The following GABBR2 variants were observed in gnomAD, a reference collection of about 807,000 sequenced individuals.
The protein encoded by GABBR2 is gamma-aminobutyric acid type B receptor subunit 2.
In GABBR2, 23 loss-of-function variants were observed where a neutral mutation model predicts 105.6. That is an observed-to-expected ratio of 0.22 (90% CI 0.16 to 0.31). The LOEUF is 0.31. GABBR2 is among the 10% of genes least tolerant of loss of function. The pLI, the probability that GABBR2 is intolerant of heterozygous loss-of-function variation, is 1.00. For synonymous variants in GABBR2, 478 were observed against 499.7 expected (o/e 0.96, Z 0.58); for missense variants, 734 against 1,245.5 (o/e 0.59, Z 6.18).
At chr9:98,536,220 A>G (rs533410243) in intron 3 of GABBR2, among the ~76,000 whole-genome samples, 1 of 152,322 alleles carries the variant, frequency 6.6e-6, no homozygotes, top group South Asian at 2.1e-4. Flanking sequence ...TGGGAGTGGC[A>G]GGATCAGGGT....
intron 3 of GABBR2, among the ~76,000 whole-genome samples, chr9:98,508,648 A>G (rs1588202449): frequency 6.6e-6 from 1 of 151,910 alleles, no homozygotes; most frequent in Non-Finnish European, 1.5e-5. Context: ...TCCTACGCCC[A>G]TGAAGTCTCG....
At chr9:98,531,394 G>A (rs1370791294) in intron 3 of GABBR2, among the ~76,000 whole-genome samples, 2 of 152,222 alleles carry the variant, frequency 1.3e-5, no homozygotes, top group African/African-American at 2.4e-5. Flanking sequence ...TGGAGTAGAG[G>A]GAGGAGGAGA....
At position 98,659,496 on chromosome 9, in the gene GABBR2, T is replaced by TAAA. The variant is rs758485097; in HGVS notation, c.321+48918_321+48920dup. 2.1e-5 allele frequency among the ~76,000 whole-genome samples: 3 copies of TAAA among 141,108 alleles called. No homozygotes were observed. The Admixed American group carries it at 2.1e-4, about 10-fold the overall frequency. 92.6% of individuals were successfully genotyped at this position (141,108 alleles called of 152,430 possible). ...ATATTATTTCTTCTTCTTTTTTTTT[T>TAAA]AAACAACCTTTTTTCTTTTCTTTTC... On this transcript the variant is annotated intron_variant, in intron 1 of 18. Transcript: ENST00000259455.
At chr9:98,342,250 G>T (rs982660510) in intron 13 of GABBR2, among the ~76,000 whole-genome samples, 2 of 151,870 alleles carry the variant, frequency 1.3e-5, no homozygotes, top group East Asian at 1.9e-4. Flanking sequence ...TGGCATATTG[G>T]GGGTGGAAAG....
intron 3 of GABBR2, among the ~76,000 whole-genome samples, chr9:98,540,491 CA>C (rs1033829713): frequency 1.3e-5 from 2 of 152,182 alleles, no homozygotes; most frequent in Admixed American, 1.3e-4. Context: ...ATGGAAGAGA[CA>C]GGGGGCAAGA....
intron 3 of GABBR2, among the ~76,000 whole-genome samples, chr9:98,536,030 G>A (rs1828173023): frequency 1.3e-5 from 2 of 152,098 alleles, no homozygotes; most frequent in African/African-American, 2.4e-5. Flanking sequence ...TAACAAATGG[G>A]CCACTCTGAC....
At chr9:98,324,933 C>T (rs570641863) in intron 13 of GABBR2, among the ~76,000 whole-genome samples, 1 of 152,142 alleles carries the variant, frequency 6.6e-6, no homozygotes, top group Non-Finnish European at 1.5e-5. Flanking sequence ...ACTTTGTACA[C>T]ACACATATAC....
At chr9:98,303,718 C>A (rs1830506629) in intron 15 of GABBR2, among the ~76,000 whole-genome samples, 1 of 152,266 alleles carries the variant, frequency 6.6e-6, no homozygotes. Flanking sequence ...CGAGGCCTCA[C>A]TCCAGCTGCC....
At chr9:98,358,580 A>C (rs1427312237) in intron 13 of GABBR2, among the ~76,000 whole-genome samples, 1 of 152,168 alleles carries the variant, frequency 6.6e-6, no homozygotes, top group Non-Finnish European at 1.5e-5. Context: ...GGGGTCCTTG[A>C]AGGAAGGGCC....
intron 1 of GABBR2, among the ~76,000 whole-genome samples, chr9:98,578,480 G>A (rs1002165675): frequency 8.5e-5 from 13 of 152,160 alleles, no homozygotes; most frequent in Middle Eastern, 3.4e-3. Flanking sequence ...CAAGGGTGTG[G>A]AGAAACTGGA....
In GABBR2 at chr9:98,390,330, T is replaced by C. The variant is rs1055859927; in HGVS notation, c.1379-1326A>G. On this transcript the variant is annotated intron_variant, in intron 9 of 18. Transcript: ENST00000259455. ...TGGAGGCTGCAGTGAGCCAAGATTA[T>C]GCCACTGCACTCCAGCCTGGGTGAC... 4.6e-5 allele frequency among the ~76,000 whole-genome samples: 6 copies of C among 129,198 alleles called. No homozygotes were observed. The Admixed American group carries it at 5.6e-4, about 12-fold the overall frequency. The allele number at this position is 129,198 out of a possible 152,430, so 84.8% of individuals were successfully genotyped here. A position where few individuals can be genotyped will look rare whatever the true frequency, so the allele number is the denominator to read the frequency against.
intron 8 of GABBR2, among the ~76,000 whole-genome samples, chr9:98,403,731 C>G (rs1182103497): frequency 6.8e-6 from 1 of 147,246 alleles, no homozygotes; most frequent in Non-Finnish European, 1.5e-5. Context: ...ATCATAATTG[C>G]TACTTACTTG....
intron 7 of GABBR2, among the ~76,000 whole-genome samples, chr9:98,430,819 T>C (rs909662778): frequency 6.6e-6 from 1 of 152,108 alleles, no homozygotes; most frequent in Non-Finnish European, 1.5e-5. Context: ...ACCCTCCAGA[T>C]GGTCATCTGG....
chr9:98,365,658 G>A (rs2131451311), intron 12 of GABBR2, among the ~76,000 whole-genome samples: 1 of 152,314 alleles, frequency 6.6e-6, no homozygotes, highest in Admixed American at 6.5e-5. Context: ...TAGGCACTGA[G>A]GATGCAACAG....
chr9:98,499,317 G>C (rs1827351289), intron 3 of GABBR2, among the ~76,000 whole-genome samples: 1 of 152,178 alleles, frequency 6.6e-6, no homozygotes, highest in Non-Finnish European at 1.5e-5. Flanking sequence ...ACACCCTAGA[G>C]GTCATCTCAT....
chr9:98,303,808 G>T lies in GABBR2; in HGVS notation c.2230-385C>A, dbSNP rs143202235. ...CAGTTGTGACAACAAAGAGACAGAG[G>T]AGAGCGAAGGCCTCTGTTAAACCAT... is the stretch of plus-strand genomic sequence containing the variant. On this transcript the variant is annotated intron_variant, in intron 15 of 18. Coordinates refer to ENST00000259455, the MANE Select transcript of GABBR2 (RefSeq NM_005458.8). Among the ~76,000 whole-genome samples, 10 of 152,372 alleles carry T rather than the reference G, an allele frequency of 6.6e-5. No homozygotes were observed. The East Asian group carries it at 1.9e-3, about 29-fold the overall frequency.
intron 1 of GABBR2, among the ~76,000 whole-genome samples, chr9:98,692,309 C>T (rs762780822): frequency 2.4e-4 from 36 of 152,280 alleles, no homozygotes; most frequent in African/African-American, 8.4e-4. Context: ...GGTCACCTCC[C>T]CTGTGTGGCA....
At chr9:98,367,065 G>C (rs939152902) in intron 12 of GABBR2, among the ~76,000 whole-genome samples, 4 of 151,976 alleles carry the variant, frequency 2.6e-5, no homozygotes, top group African/African-American at 9.7e-5. Flanking sequence ...GAAGCATTAA[G>C]TCACACGTGT....
intron 8 of GABBR2, among the ~76,000 whole-genome samples, chr9:98,396,725 A>G (rs1832298302): frequency 6.6e-6 from 1 of 152,166 alleles, no homozygotes; most frequent in Non-Finnish European, 1.5e-5. Flanking sequence ...GAGGCAGCGC[A>G]TGAAATATGC....
Sources: allele counts gnomAD v4.1 joint callset (sites outside exome capture counted in the v4.1 genomes callset), GRCh38; gene constraint gnomAD v4.1.1; transcripts MANE v1.5; gene names NCBI Gene and HGNC (gene_info 2026-07-23, HGNC 2026-07-21).